Variants in ASIC2 observed in about 807,000 individuals in gnomAD.
The protein encoded by ASIC2 is acid-sensing ion channel 2.
Under a neutral mutation model 57.3 loss-of-function variants are expected in ASIC2, and 25 were observed. The ratio of observed to expected loss-of-function variants is 0.44; its 90% CI spans 0.32 to 0.61. The LOEUF (loss-of-function observed/expected upper bound fraction) is 0.61. Among genes scored for constraint, ASIC2 ranks in the 20% least tolerant of loss-of-function variants. ASIC2 has a pLI of 0.06. For missense variants in ASIC2, 641 were observed against 738.1 expected (o/e 0.87, Z 1.52); for synonymous variants, 319 against 307.5 (o/e 1.04, Z -0.39).
upstream of ASIC2, among the ~76,000 whole-genome samples, chr17:33,294,150 C>G (rs1240542386): frequency 6.6e-6 from 1 of 152,170 alleles, no homozygotes; most frequent in Non-Finnish European, 1.5e-5. Flanking sequence ...GAGACTCCAT[C>G]TTTCCCATTC....
At chr17:33,626,334 G>A (rs1452419975) in intron 1 of ASIC2, among the ~76,000 whole-genome samples, 2 of 152,042 alleles carry the variant, frequency 1.3e-5, no homozygotes, top group African/African-American at 2.4e-5. Flanking sequence ...CATTTACCAC[G>A]TATGTTATTT....
intron 1 of ASIC2, among the ~76,000 whole-genome samples, chr17:33,723,502 C>T (rs1214606899): frequency 1.3e-5 from 2 of 151,996 alleles, no homozygotes; most frequent in East Asian, 3.9e-4. Flanking sequence ...CTAATTTTTG[C>T]ATTTCTATTA....
chr17:33,254,798 G>A (rs1361953068), intron 1 of ASIC2, among the ~76,000 whole-genome samples: 3 of 152,108 alleles, frequency 2.0e-5, no homozygotes, highest in African/African-American at 4.8e-5. Flanking sequence ...AAGCAGGATG[G>A]AAGAAAACAT....
intron 3 of ASIC2, among the ~76,000 whole-genome samples, chr17:33,070,340 A>C (rs911848183): frequency 2.6e-5 from 2 of 76,616 alleles, no homozygotes; most frequent in Non-Finnish European, 4.5e-5. Context: ...TTTCGCCATT[A>C]CTTTTTTTTT....
intron 1 of ASIC2, among the ~76,000 whole-genome samples, chr17:33,287,101 C>G (rs1905225232): frequency 6.6e-6 from 1 of 152,214 alleles, no homozygotes; most frequent in South Asian, 2.1e-4. Context: ...AGCACTTTAT[C>G]CACATTATGA....
chr17:33,087,743 G>A (rs2092140523), intron 3 of ASIC2, among the ~76,000 whole-genome samples: 1 of 149,928 alleles, frequency 6.7e-6, no homozygotes, highest in Non-Finnish European at 1.5e-5. Flanking sequence ...TTTTTTGGTA[G>A]AGATAAGGTC....
intron 1 of ASIC2, among the ~76,000 whole-genome samples, chr17:33,993,555 G>T (rs1413903881): frequency 6.6e-6 from 1 of 152,212 alleles, no homozygotes; most frequent in African/African-American, 2.4e-5. Flanking sequence ...GAGAGATCAA[G>T]GAGAAACAGA....
intron 1 of ASIC2, among the ~76,000 whole-genome samples, chr17:33,301,040 GAA>G (rs34688942): frequency 6.7e-5 from 10 of 149,964 alleles, no homozygotes; most frequent in Admixed American, 1.3e-4. Context: ...ATTTATTTTA[GAA>G]AAAAAAAATG....
chr17:33,786,417 A>G (rs1360050176), intron 1 of ASIC2, among the ~76,000 whole-genome samples: 1 of 152,222 alleles, frequency 6.6e-6, no homozygotes, highest in Non-Finnish European at 1.5e-5. Context: ...GAATTAAAAA[A>G]AAGAAAAACT....
chr17:33,921,604 C>T (rs1178604213), intron 1 of ASIC2, among the ~76,000 whole-genome samples: 1 of 151,962 alleles, frequency 6.6e-6, no homozygotes, highest in African/African-American at 2.4e-5. Flanking sequence ...AGGTGGGGTG[C>T]ACGTGGAGAA....
chr17:33,974,375 T>C (rs574734686), intron 1 of ASIC2, among the ~76,000 whole-genome samples: 8 of 152,320 alleles, frequency 5.3e-5, no homozygotes, highest in Admixed American at 1.3e-4. Flanking sequence ...TATGTGTGTG[T>C]ATGTATGTGT....
chr17:34,104,072 T>C (rs1348519472), intron 1 of ASIC2, among the ~76,000 whole-genome samples: 2 of 152,164 alleles, frequency 1.3e-5, no homozygotes, highest in Non-Finnish European at 2.9e-5. Flanking sequence ...AATATTGAAT[T>C]TTCCAACCCA....
intron 1 of ASIC2, among the ~76,000 whole-genome samples, chr17:33,686,497 A>T (rs899971300): frequency 2.6e-5 from 4 of 152,014 alleles, no homozygotes; most frequent in African/African-American, 9.7e-5. Context: ...GCTGTGCTTA[A>T]TTTCTCTCTC....
chr17:33,579,399 T>C (rs934888041), intron 1 of ASIC2, among the ~76,000 whole-genome samples: 5 of 151,936 alleles, frequency 3.3e-5, no homozygotes, highest in Non-Finnish European at 2.9e-5. Context: ...CTCATTATTC[T>C]GGAGGGGAAG....
At chr17:33,300,178 G>A (rs533005726) in intron 1 of ASIC2, among the ~76,000 whole-genome samples, 81 of 152,240 alleles carry the variant, frequency 5.3e-4, no homozygotes, top group African/African-American at 1.8e-3. Context: ...AATTTCTTGC[G>A]TGGTCTTTTA....
chr17:33,967,526 C>T (rs532899655), intron 1 of ASIC2, among the ~76,000 whole-genome samples: 3 of 152,312 alleles, frequency 2.0e-5, no homozygotes, highest in South Asian at 2.1e-4. Context: ...TAAGCCATCA[C>T]GCCTGGCCTG....
At chr17:33,605,177 C>T (rs1402974695) in intron 1 of ASIC2, among the ~76,000 whole-genome samples, 4 of 152,276 alleles carry the variant, frequency 2.6e-5, no homozygotes, top group South Asian at 2.1e-4. Context: ...TATAATCTTA[C>T]GTTGGGCAAG....
intron 1 of ASIC2, among the ~76,000 whole-genome samples, chr17:33,414,622 T>C (rs1391047524): frequency 6.6e-6 from 1 of 152,176 alleles, no homozygotes; most frequent in Admixed American, 6.5e-5. Flanking sequence ...CTGAGGCCAT[T>C]GGGAATCTGA....
chr17:33,968,134 C>T (rs1259613041), intron 1 of ASIC2, among the ~76,000 whole-genome samples: 1 of 152,194 alleles, frequency 6.6e-6, no homozygotes, highest in Admixed American at 6.5e-5. Context: ...ACTGTGCTCC[C>T]TCCCTTCCTC....
Sources: allele counts gnomAD v4.1 joint callset (sites outside exome capture counted in the v4.1 genomes callset), GRCh38; gene constraint gnomAD v4.1.1; transcripts MANE v1.5; gene names NCBI Gene and HGNC (gene_info 2026-07-23, HGNC 2026-07-21).